Variants in COA1 observed in about 807,000 individuals in gnomAD.
The protein encoded by COA1 is cytochrome c oxidase assembly factor 1 homolog.
In COA1, 13 loss-of-function variants were observed where a neutral mutation model predicts 16.0. That is an observed-to-expected ratio of 0.81 (90% CI 0.53 to 1.29). The LOEUF is 1.29. Ranked by LOEUF, COA1 falls within the 50% of genes most tolerant of loss-of-function variation. COA1 has a pLI of 0.00. For synonymous variants in COA1, 65 were observed against 65.7 expected (o/e 0.99, Z 0.05); for missense variants, 179 against 177.0 (o/e 1.01, Z -0.06).
chr7:43,624,816 G>A (rs1256454137), intron 6 of COA1: 1 of 1,603,420 alleles, frequency 6.2e-7, no homozygotes. Context: ...TTTGCTACAA[G>A]AAATTCCAGG....
At chr7:43,644,752 A>T (rs1047092319) in intron 4 of COA1, among the ~76,000 whole-genome samples, 53 of 89,710 alleles carry the variant, frequency 5.9e-4, no homozygotes, top group African/African-American at 1.8e-3. Flanking sequence ...ATAGATAGAT[A>T]GATAGATAGG....
intron 6 of COA1, chr7:43,624,547 A>G: frequency 6.2e-7 from 1 of 1,613,712 alleles, no homozygotes; most frequent in South Asian, 1.1e-5. Flanking sequence ...GAATGTCTAA[A>G]GCACCCCTGG....
chr7:43,676,391 T>C (rs561565389), intron 1 of COA1, among the ~76,000 whole-genome samples: 15 of 152,136 alleles, frequency 9.9e-5, no homozygotes, highest in Non-Finnish European at 2.1e-4. Flanking sequence ...ATGTGGTATA[T>C]ATACGCAATA....
chr7:43,646,370 G>A (rs926768698), intron 3 of COA1: 4 of 353,226 alleles, frequency 1.1e-5, no homozygotes, highest in African/African-American at 8.5e-5. Flanking sequence ...ATCTCACAAT[G>A]TTCAACAGCT....
intron 1 of COA1, among the ~76,000 whole-genome samples, chr7:43,674,061 G>A (rs759562577): frequency 7.9e-5 from 12 of 152,106 alleles, no homozygotes; most frequent in African/African-American, 1.7e-4. Flanking sequence ...TGCTTATTAC[G>A]TAGGTGGCAA....
chr7:43,688,197 G>A (rs980751465), intron 1 of COA1, among the ~76,000 whole-genome samples: 6 of 152,176 alleles, frequency 3.9e-5, no homozygotes, highest in African/African-American at 1.2e-4. Context: ...AAACTAATAC[G>A]GACAGGAGTA....
At chr7:43,687,093 T>C (rs1024670890) in intron 1 of COA1, among the ~76,000 whole-genome samples, 1 of 152,206 alleles carries the variant, frequency 6.6e-6, no homozygotes, top group Non-Finnish European at 1.5e-5. Context: ...CCTCTGCTAT[T>C]AACTTACCTC....
intron 1 of COA1, among the ~76,000 whole-genome samples, chr7:43,661,362 T>A (rs2092405540): frequency 6.6e-6 from 1 of 151,920 alleles, no homozygotes; most frequent in African/African-American, 2.4e-5. Context: ...CCAGGCCGGG[T>A]GCAGTGGCTC....
intron 1 of COA1, among the ~76,000 whole-genome samples, chr7:43,686,733 G>A (rs2094052549): frequency 6.6e-6 from 1 of 152,186 alleles, no homozygotes. Flanking sequence ...ATTAATACCT[G>A]AAAAGTGTTA....
chr7:43,721,115 G>A (rs1168733919), intron 1 of COA1, among the ~76,000 whole-genome samples: 1 of 152,152 alleles, frequency 6.6e-6, no homozygotes, highest in Non-Finnish European at 1.5e-5. Flanking sequence ...AGTTATTCCC[G>A]CTACAAAGGT....
At chr7:43,618,487 C>T (rs1345976483) in intron 6 of COA1, among the ~76,000 whole-genome samples, 1 of 152,094 alleles carries the variant, frequency 6.6e-6, no homozygotes. Context: ...AGCAGGGGCC[C>T]AATCTTAAAA....
intron 1 of COA1, among the ~76,000 whole-genome samples, chr7:43,660,201 T>G (rs2092285230): frequency 1.3e-5 from 2 of 152,128 alleles, no homozygotes. Flanking sequence ...GAACATCTCA[T>G]TCAAGGGCAT....
At chr7:43,645,641 AC>A (rs1366063013) in intron 3 of COA1, 2 of 406,516 alleles carry the variant, frequency 4.9e-6, no homozygotes, top group Non-Finnish European at 9.1e-6. Flanking sequence ...CCTCATGCAG[AC>A]CCTTTCTGCT....
chr7:43,695,483 A>G (rs2094498911), intron 1 of COA1, among the ~76,000 whole-genome samples: 1 of 151,940 alleles, frequency 6.6e-6, no homozygotes, highest in Admixed American at 6.6e-5. Flanking sequence ...CACAGCATTT[A>G]TTACCATCTA....
intron 1 of COA1, among the ~76,000 whole-genome samples, chr7:43,727,368 C>A (rs1465965235): frequency 6.6e-6 from 1 of 152,188 alleles, no homozygotes; most frequent in African/African-American, 2.4e-5. Flanking sequence ...CACTCCTAGG[C>A]ACATACGCAA....
At chr7:43,618,452 C>T (rs574975468) in intron 6 of COA1, among the ~76,000 whole-genome samples, 7 of 152,164 alleles carry the variant, frequency 4.6e-5, no homozygotes, top group South Asian at 4.2e-4. Context: ...CCTTTGGAGC[C>T]GTGACAGATT....
intron 1 of COA1, among the ~76,000 whole-genome samples, chr7:43,684,852 AC>A (rs927324098): frequency 6.6e-6 from 1 of 152,146 alleles, no homozygotes; most frequent in Non-Finnish European, 1.5e-5. Context: ...AGGCAATGGG[AC>A]CCCAGAGAGA....
chr7:43,611,668 G>A (rs1390089974), intron 6 of COA1, among the ~76,000 whole-genome samples: 1 of 152,102 alleles, frequency 6.6e-6, no homozygotes, highest in East Asian at 1.9e-4. Flanking sequence ...CTTTCACTGG[G>A]CTAATACTTT....
chr7:43,686,896 C>T (rs757722018), intron 1 of COA1, among the ~76,000 whole-genome samples: 1 of 152,092 alleles, frequency 6.6e-6, no homozygotes, highest in African/African-American at 2.4e-5. Flanking sequence ...ACTAGCTGTG[C>T]CTTACTATTG....
Sources: gnomAD v4.1 joint callset for allele counts (sites outside exome capture counted in the v4.1 genomes callset) on GRCh38, gnomAD v4.1.1 for gene constraint, MANE v1.5 for transcripts, NCBI Gene and HGNC (gene_info 2026-07-23, HGNC 2026-07-21) for gene names.